GARIN2: variants seen among roughly 807,000 people sequenced by gnomAD.
The protein encoded by GARIN2 is golgi associated RAB2 interactor family member 2.
At chr14:67,200,532 T>C in the GARIN2 span, 4 of 262,212 alleles carry the variant, frequency 1.5e-5, no homozygotes, top group African/African-American at 2.3e-5. Flanking sequence ...ACAGAGAAAA[T>C]AAAACTAAAC....
At chr14:67,213,752 A>T in the GARIN2 span, among the ~76,000 whole-genome samples, 1 of 152,212 alleles carries the variant, frequency 6.6e-6, no homozygotes, top group African/African-American at 2.4e-5. Flanking sequence ...TGACTTCCAC[A>T]AGGGTTGAAC....
At chr14:67,215,436 A>G in the GARIN2 span, among the ~76,000 whole-genome samples, 1 of 151,794 alleles carries the variant, frequency 6.6e-6, no homozygotes, top group Non-Finnish European at 1.5e-5. Context: ...CCACTGAGCT[A>G]TTTCAGTGTA....
the GARIN2 span, among the ~76,000 whole-genome samples, chr14:67,213,959 G>A: frequency 7.9e-4 from 120 of 152,280 alleles, no homozygotes; most frequent in Non-Finnish European, 1.6e-3. Context: ...TGCATAAATG[G>A]CTTCTTTTGA....
At chr14:67,220,159 C>A in the GARIN2 span, among the ~76,000 whole-genome samples, 1 of 152,102 alleles carries the variant, frequency 6.6e-6, no homozygotes. Flanking sequence ...AATTAGGCTG[C>A]GTGCAACGGC....
At chr14:67,218,228 A>T in the GARIN2 span, among the ~76,000 whole-genome samples, 1,829 of 152,266 alleles carry the variant, frequency 0.012, 19 homozygotes, top group Non-Finnish European at 0.018. Context: ...CTGTGGCCAG[A>T]AGCATGATCA....
chr14:67,206,132 C>T, the GARIN2 span, among the ~76,000 whole-genome samples: 7 of 151,964 alleles, frequency 4.6e-5, no homozygotes, highest in Middle Eastern at 3.4e-3. Context: ...TGCAGTGAGC[C>T]GAGATCATGC....
chr14:67,199,359 C>T, the GARIN2 span: 1 of 1,613,980 alleles, frequency 6.2e-7, no homozygotes, highest in South Asian at 1.1e-5. Context: ...GATGTAGGGG[C>T]CAACATTTTC....
At chr14:67,202,239 G>A in the GARIN2 span, among the ~76,000 whole-genome samples, 2 of 152,182 alleles carry the variant, frequency 1.3e-5, no homozygotes, top group African/African-American at 4.8e-5. Context: ...TCAGGAGTTC[G>A]AGACCAGCCC....
the GARIN2 span, chr14:67,208,194 T>C: frequency 2.5e-6 from 4 of 1,612,606 alleles, no homozygotes; most frequent in Non-Finnish European, 3.4e-6. Context: ...TGCTTTTTAT[T>C]TTTAAAGGAA....
the GARIN2 span, chr14:67,199,110 G>A: frequency 2.3e-4 from 290 of 1,252,490 alleles, no homozygotes; most frequent in Non-Finnish European, 2.8e-4. Flanking sequence ...CACTGTGTAC[G>A]TGGGGGGCCT....
the GARIN2 span, among the ~76,000 whole-genome samples, chr14:67,219,144 C>T: frequency 1.3e-5 from 2 of 152,104 alleles, no homozygotes; most frequent in South Asian, 2.1e-4. Flanking sequence ...TAACCTGGGG[C>T]AATGCAGCTG....
chr14:67,198,160 C>A, the GARIN2 span: 7 of 1,607,854 alleles, frequency 4.4e-6, no homozygotes, highest in East Asian at 1.6e-4. Flanking sequence ...TGTGCAAGCG[C>A]AATGAAGAAG....
the GARIN2 span, among the ~76,000 whole-genome samples, chr14:67,220,073 ATATAT>A: frequency 6.6e-6 from 1 of 152,160 alleles, no homozygotes; most frequent in Non-Finnish European, 1.5e-5. Flanking sequence ...AATAAGTTAT[ATATAT>A]TATTTTTCTT....
the GARIN2 span, among the ~76,000 whole-genome samples, chr14:67,226,562 T>C: frequency 6.6e-6 from 1 of 152,166 alleles, no homozygotes; most frequent in East Asian, 1.9e-4. Flanking sequence ...GGTTTCACCA[T>C]GTTGGCCAGG....
At chr14:67,224,740 C>A in the GARIN2 span, 2 of 263,090 alleles carry the variant, frequency 7.6e-6, no homozygotes, top group Non-Finnish European at 7.5e-6. Flanking sequence ...AAAGAAAAAT[C>A]ACATAAAATA....
the GARIN2 span, among the ~76,000 whole-genome samples, chr14:67,192,723 T>C: frequency 4.6e-5 from 7 of 151,032 alleles, no homozygotes; most frequent in Admixed American, 3.3e-4. Flanking sequence ...AAAAAAAAAA[T>C]TTAATGTTAT....
chr14:67,204,328 A>G, the GARIN2 span, among the ~76,000 whole-genome samples: 1 of 152,078 alleles, frequency 6.6e-6, no homozygotes, highest in Non-Finnish European at 1.5e-5. Context: ...TGTCCCAGCT[A>G]CTCAGGAGGA....
chr14:67,190,421 G>A, the GARIN2 span, among the ~76,000 whole-genome samples: 4 of 146,988 alleles, frequency 2.7e-5, no homozygotes, highest in African/African-American at 1.0e-4. Context: ...ACAGGGTTTC[G>A]CCATTTGGCC....
chr14:67,201,157 A>G, the GARIN2 span, among the ~76,000 whole-genome samples: 1 of 152,154 alleles, frequency 6.6e-6, no homozygotes, highest in East Asian at 1.9e-4. Flanking sequence ...AGCAGGGTGC[A>G]GTGCTGCACA....
Sources: allele counts gnomAD v4.1 joint callset (sites outside exome capture counted in the v4.1 genomes callset), GRCh38; gene constraint gnomAD v4.1.1; transcripts MANE v1.5; gene names NCBI Gene and HGNC (gene_info 2026-07-23, HGNC 2026-07-21).